ADAMTS3: variants seen among roughly 807,000 people sequenced by gnomAD.
The protein encoded by ADAMTS3 is A disintegrin and metalloproteinase with thrombospondin motifs 3.
ADAMTS3 carries 73 observed loss-of-function variants against 129.0 expected under a neutral mutation model. The ratio of observed to expected loss-of-function variants is 0.57; its 90% CI spans 0.47 to 0.69. ADAMTS3 has a LOEUF of 0.69. Ranked by LOEUF, ADAMTS3 falls within the 30% of genes least tolerant of loss-of-function variation. The pLI, the probability that ADAMTS3 is intolerant of heterozygous loss-of-function variation, is 0.00. For synonymous variants in ADAMTS3, 477 were observed against 510.8 expected (o/e 0.93, Z 0.89); for missense variants, 1,457 against 1,514.5 (o/e 0.96, Z 0.63).
At chr4:72,410,772 T>A (rs1722167195) in intron 4 of ADAMTS3, among the ~76,000 whole-genome samples, 1 of 144,868 alleles carries the variant, frequency 6.9e-6, no homozygotes, top group South Asian at 2.4e-4. Context: ...CCAATTAGAG[T>A]TTCAAATATA....
At chr4:72,439,045 A>G (rs1329628754) in intron 3 of ADAMTS3, among the ~76,000 whole-genome samples, 1 of 151,762 alleles carries the variant, frequency 6.6e-6, no homozygotes, top group Non-Finnish European at 1.5e-5. Flanking sequence ...TCTTCTCAGT[A>G]GCATATACCC....
At chr4:72,391,762 A>C (rs1289586009) in intron 4 of ADAMTS3, among the ~76,000 whole-genome samples, 1 of 152,084 alleles carries the variant, frequency 6.6e-6, no homozygotes, top group East Asian at 1.9e-4. Flanking sequence ...AAAAAACAAA[A>C]CCCACAATAT....
intron 17 of ADAMTS3, 114 bp from the exon 18 acceptor site, chr4:72,298,556 T>C (rs1463230255): frequency 6.6e-6 from 5 of 762,120 alleles, no homozygotes; most frequent in Non-Finnish European, 1.0e-5. Flanking sequence ...TTTCAAATAG[T>C]TTCAAAAATT....
chr4:72,477,230 G>C (rs1355906030), intron 3 of ADAMTS3, among the ~76,000 whole-genome samples: 1 of 152,042 alleles, frequency 6.6e-6, no homozygotes, highest in Non-Finnish European at 1.5e-5. Context: ...CAAATCAACA[G>C]AATATGCATT....
intron 5 of ADAMTS3, among the ~76,000 whole-genome samples, chr4:72,339,148 T>C (rs1047743970): frequency 6.6e-6 from 1 of 152,316 alleles, no homozygotes; most frequent in South Asian, 2.1e-4. Flanking sequence ...ATAGGCAACA[T>C]GAAAGCAGAT....
intron 3 of ADAMTS3, among the ~76,000 whole-genome samples, chr4:72,537,035 G>A (rs562425414): frequency 6.6e-6 from 1 of 152,156 alleles, no homozygotes; most frequent in Non-Finnish European, 1.5e-5. Context: ...CTGATGATAG[G>A]ATTTTGGAAC....
intron 4 of ADAMTS3, among the ~76,000 whole-genome samples, chr4:72,357,137 G>A (rs1720600531): frequency 1.3e-5 from 2 of 151,886 alleles, no homozygotes; most frequent in Admixed American, 6.6e-5. Flanking sequence ...ATGATATTTG[G>A]ATCACCTGAA....
chr4:72,388,749 A>G (rs1721508794), intron 4 of ADAMTS3, among the ~76,000 whole-genome samples: 1 of 152,196 alleles, frequency 6.6e-6, no homozygotes, highest in Non-Finnish European at 1.5e-5. Flanking sequence ...GAGGATTCAC[A>G]GGACTCAGCA....
chr4:72,446,993 T>C (rs1718269284), intron 3 of ADAMTS3, among the ~76,000 whole-genome samples: 1 of 151,682 alleles, frequency 6.6e-6, no homozygotes, highest in African/African-American at 2.4e-5. Context: ...GGTTAAACAG[T>C]CTTTTCTTGA....
intron 4 of ADAMTS3, among the ~76,000 whole-genome samples, chr4:72,354,610 G>T (rs969820895): frequency 1.3e-5 from 2 of 151,836 alleles, no homozygotes; most frequent in African/African-American, 2.4e-5. Flanking sequence ...ATGCATTTTT[G>T]ATCCTAAATT....
chr4:72,477,205 C>A (rs957390172), intron 3 of ADAMTS3, among the ~76,000 whole-genome samples: 1 of 152,128 alleles, frequency 6.6e-6, no homozygotes, highest in African/African-American at 2.4e-5. Flanking sequence ...TAGACATTTA[C>A]AGAACACTCC....
At chr4:72,330,484 C>T (rs967916329) in intron 5 of ADAMTS3, 2 of 152,178 alleles carry the variant, frequency 1.3e-5, no homozygotes, top group Non-Finnish European at 1.5e-5. Context: ...TATTTTATCC[C>T]AGTTACAGAC....
Position 72,280,984 on chromosome 4 carries a change from T to C in ADAMTS3, c.*2152A>G, listed in dbSNP as rs183184687. On this transcript the variant is annotated 3_prime_UTR_variant, in exon 22 of 22. Transcript: ENST00000286657. ...GAGCCAGATGTATATTTTGTTAACA[T>C]TTTTATTGGTACGTGCTCTCAGTAC... The C allele has an allele frequency of 2.6e-4, 39 of 152,710 alleles. 1 individual carries two copies. The East Asian group carries it at 6.0e-3, about 23-fold the overall frequency. The allele number at this position is 152,710 out of a possible 1,614,324, so 9.5% of individuals were successfully genotyped here. A position where few individuals can be genotyped will look rare whatever the true frequency, so the allele number is the denominator to read the frequency against.
chr4:72,455,474 G>C (rs1377653275), intron 3 of ADAMTS3, among the ~76,000 whole-genome samples: 3 of 151,272 alleles, frequency 2.0e-5, no homozygotes, highest in East Asian at 2.0e-4. Context: ...GGGCCTATTG[G>C]GGGTGGGGAA....
rs532313613 is a variant in ADAMTS3 at position 72,467,167 on chromosome 4, T to G, written c.505-52196A>C. 4.3e-4 allele frequency among the ~76,000 whole-genome samples: 66 copies of G among 152,200 alleles called. No individual in the cohort carries two copies. The South Asian group carries it at 0.013, about 31-fold the overall frequency. On this transcript the variant is annotated intron_variant, in intron 3 of 21. Transcript: ENST00000286657. ...GCCCAAAAGTCACCTTTGAGTCACC[T>G]TTGTCTCCTCTAGCTTTTTCTGGCT...
intron 17 of ADAMTS3, among the ~76,000 whole-genome samples, chr4:72,303,640 C>CA (rs1252149028): frequency 1.3e-5 from 2 of 151,442 alleles, no homozygotes; most frequent in Non-Finnish European, 2.9e-5. Flanking sequence ...TGGGTAAATA[C>CA]AAAAATCTAC....
At chr4:72,477,902 T>C (rs1048169286) in intron 3 of ADAMTS3, among the ~76,000 whole-genome samples, 1 of 152,062 alleles carries the variant, frequency 6.6e-6, no homozygotes, top group Non-Finnish European at 1.5e-5. Flanking sequence ...CATCAGAGAA[T>C]ACTACAAACA....
intron 3 of ADAMTS3, among the ~76,000 whole-genome samples, chr4:72,493,132 C>T (rs1432337078): frequency 1.3e-5 from 2 of 151,894 alleles, no homozygotes; most frequent in African/African-American, 2.4e-5. Context: ...CTCTTATAGA[C>T]AACATATCAC....
Position 72,376,540 on chromosome 4 carries a change from A to G in ADAMTS3, c.662-36847T>C, listed in dbSNP as rs185556890. The stretch of plus-strand genomic sequence containing the variant: ...CACTGACCTGTGAGTTTCTAATGTT[A>G]GAATGCATTTGAAGCACCTGGGGAG... On this transcript the variant is annotated intron_variant, in intron 4 of 21. Coordinates refer to ENST00000286657, the MANE Select transcript of ADAMTS3 (RefSeq NM_014243.3). Among the ~76,000 whole-genome samples the G allele has an allele frequency of 4.2e-4, 64 of 152,290 alleles. 1 individual carries two copies. The highest frequency in any genetic ancestry group is 1.5e-3 in the African/African-American group (63 of 41,578).
Sources: gnomAD v4.1 joint callset for allele counts (sites outside exome capture counted in the v4.1 genomes callset) on GRCh38, gnomAD v4.1.1 for gene constraint, MANE v1.5 for transcripts, NCBI Gene and HGNC (gene_info 2026-07-23, HGNC 2026-07-21) for gene names.